NPHP3: variants seen among roughly 807,000 people sequenced by gnomAD.
The protein encoded by NPHP3 is nephrocystin-3.
NPHP3 carries 123 observed loss-of-function variants against 171.9 expected under a neutral mutation model. The ratio of observed to expected loss-of-function variants is 0.72; its 90% CI spans 0.62 to 0.83. NPHP3 has a LOEUF of 0.83. Ranked by LOEUF, NPHP3 falls within the 40% of genes least tolerant of loss-of-function variation. NPHP3 has a pLI of 0.00. For synonymous variants in NPHP3, 558 were observed against 579.2 expected (o/e 0.96, Z 0.52); for missense variants, 1,506 against 1,591.9 (o/e 0.95, Z 0.92).
At position 132,696,791 on chromosome 3, in the gene NPHP3, C is replaced by T. The variant is rs1391907287; in HGVS notation, c.2111G>A (p.Cys704Tyr). The T allele has an allele frequency of 1.2e-6, 2 of 1,614,040 alleles. No homozygotes were observed. The highest frequency in any genetic ancestry group is 1.7e-6 in the Non-Finnish European group (2 of 1,179,978). The change falls in exon 15 of 27, where the codon TGT becomes TAT. Residue 704 changes from cysteine to tyrosine, a missense_variant. By Grantham distance (194) the Cys-to-Tyr change is radical. This residue lies in a region of NPHP3 where 930 missense variants were observed against 924.9 expected (regional missense o/e 1.01). Coordinates refer to ENST00000337331, the MANE Select transcript of NPHP3 (RefSeq NM_153240.5). ...KEQEKKLERH[C>Y]RSATTCNALY... ...GGCATTGCAGGTTGTAGCAGAACGA[C>T]AGTGTCGTTCTAGCTTCTTCTCCTG...
At chr3:132,683,855 A>G (rs1939092770) in intron 24 of NPHP3, among the ~76,000 whole-genome samples, 1 of 152,204 alleles carries the variant, frequency 6.6e-6, no homozygotes, top group Admixed American at 6.5e-5. Context: ...TTTCTTGCCA[A>G]ATCCCTTCCA....
At chr3:132,691,086 T>C (rs1939287211) in intron 18 of NPHP3, 106 bp downstream of exon 18, 4 of 870,918 alleles carry the variant, frequency 4.6e-6, no homozygotes, top group South Asian at 1.3e-5. Flanking sequence ...TTTTTTGTAA[T>C]AATTAAGTTT....
chr3:132,709,163 T>C (rs566758934), intron 6 of NPHP3, among the ~76,000 whole-genome samples: 1 of 152,000 alleles, frequency 6.6e-6, no homozygotes, highest in Non-Finnish European at 1.5e-5. Flanking sequence ...AAAACAACTT[T>C]GTTATAGGGA....
chr3:132,702,598 A>T (rs763335970), intron 9 of NPHP3, among the ~76,000 whole-genome samples: 8 of 152,364 alleles, frequency 5.3e-5, no homozygotes, highest in South Asian at 2.1e-4. Context: ...TGAGGAATTT[A>T]AAAAAGTGTA....
intron 6 of NPHP3, among the ~76,000 whole-genome samples, chr3:132,711,567 T>TG (rs1939909549): frequency 1.3e-5 from 2 of 152,074 alleles, no homozygotes; most frequent in African/African-American, 4.8e-5. Context: ...GTAAGGTTTT[T>TG]GTTTGTTTGT....
intron 6 of NPHP3, among the ~76,000 whole-genome samples, chr3:132,708,915 C>T (rs1356103731): frequency 6.6e-6 from 1 of 152,186 alleles, no homozygotes; most frequent in African/African-American, 2.4e-5. Context: ...ATTATGTCAG[C>T]ACCCTTCTTG....
intron 12 of NPHP3, 28 bp downstream of exon 12, chr3:132,699,890 T>C (rs1939560559): frequency 2.5e-6 from 4 of 1,611,512 alleles, no homozygotes; most frequent in East Asian, 2.2e-5. Context: ...TCTGAGCATA[T>C]CAATAGGTAA....
chr3:132,698,895 A>G (rs1426805653), intron 13 of NPHP3, among the ~76,000 whole-genome samples: 3 of 151,506 alleles, frequency 2.0e-5, no homozygotes, highest in African/African-American at 7.3e-5. Flanking sequence ...CCTCCCCCCA[A>G]ATCCCTTTTT....
At position 132,715,156 on chromosome 3, in the gene NPHP3, A is replaced by G; in HGVS notation, c.886T>C (p.Trp296Arg). ...AGGTAACATCTGACAGTGTTACTCCACAGAGAATGTGAAAACAGAGGAGTA... is the reference window on the plus strand; with the variant it reads ...AGGTAACATCTGACAGTGTTACTCCGCAGAGAATGTGAAAACAGAGGAGTA... ...QVTPLFSHSL[W>R]SNTVRCYLIY... The change falls in exon 5 of 27, where the codon TGG (tryptophan) becomes CGG (arginine). Residue 296 changes from tryptophan to arginine, a missense_variant. Transcript: ENST00000337331. 6.2e-7 allele frequency: 1 copy of G among 1,610,084 alleles called. No homozygotes were observed. The highest frequency in any genetic ancestry group is 8.5e-7 in the Non-Finnish European group (1 of 1,176,410).
chr3:132,700,797 T>C (rs1488092280), intron 10 of NPHP3, among the ~76,000 whole-genome samples: 1 of 152,156 alleles, frequency 6.6e-6, no homozygotes, highest in Non-Finnish European at 1.5e-5. Flanking sequence ...TTTCCAAACA[T>C]AACTTTAAAT....
intron 7 of NPHP3, among the ~76,000 whole-genome samples, 155 bp downstream of exon 7, chr3:132,707,946 G>A (rs1939797782): frequency 6.6e-6 from 1 of 152,038 alleles, no homozygotes; most frequent in South Asian, 2.1e-4. Context: ...CAATCAATGA[G>A]GCCCCCTCTC....
chr3:132,719,214 GA>G (rs1940137627), intron 2 of NPHP3, 70 bp from the exon 3 acceptor site: 2 of 1,207,308 alleles, frequency 1.7e-6, no homozygotes, highest in East Asian at 2.4e-5. Context: ...AACTTTAAGG[GA>G]AAAATATTTC....
chr3:132,699,551 T>C, intron 12 of NPHP3, 101 bp from the exon 13 acceptor site: 1 of 832,636 alleles, frequency 1.2e-6, no homozygotes, highest in Non-Finnish European at 1.9e-6. Flanking sequence ...TAAGTTTATC[T>C]TATTAAGGAT....
intron 1 of NPHP3, among the ~76,000 whole-genome samples, chr3:132,720,248 C>T (rs1462325651): frequency 1.3e-5 from 2 of 152,186 alleles, no homozygotes; most frequent in Non-Finnish European, 2.9e-5. Flanking sequence ...CTTCACAGTG[C>T]CTGGTACACT....
At chr3:132,699,600 A>AT (rs1258447856) in intron 12 of NPHP3, 150 bp from the exon 13 acceptor site, 22 of 696,614 alleles carry the variant, frequency 3.2e-5, no homozygotes, top group Non-Finnish European at 4.7e-5. Flanking sequence ...TAGAATTTTA[A>AT]AAGAACAAGT....
At chr3:132,719,478 C>T (rs1175309676) in intron 2 of NPHP3, among the ~76,000 whole-genome samples, 4 of 151,920 alleles carry the variant, frequency 2.6e-5, no homozygotes, top group South Asian at 2.1e-4. Flanking sequence ...TCCTTTTTTT[C>T]GAAATTACTA....
intron 1 of NPHP3, 92 bp downstream of exon 1, chr3:132,721,871 G>A: frequency 6.7e-7 from 1 of 1,483,444 alleles, no homozygotes; most frequent in Non-Finnish European, 9.2e-7. Flanking sequence ...GGCAGTTTCC[G>A]CCGAACTTTC....
intron 16 of NPHP3, chr3:132,693,958 T>C (rs1162503121): frequency 6.6e-6 from 1 of 152,062 alleles, no homozygotes; most frequent in Non-Finnish European, 1.5e-5. Context: ...TACAATGTTA[T>C]TTTAATTACA....
chr3:132,692,873 C>G, intron 16 of NPHP3, 55 bp from the exon 17 acceptor site: 1 of 1,448,406 alleles, frequency 6.9e-7, no homozygotes, highest in South Asian at 1.2e-5. Flanking sequence ...AAGTAACTAA[C>G]GGCCATTAAA....
Sources: allele counts gnomAD v4.1 joint callset (sites outside exome capture counted in the v4.1 genomes callset), GRCh38; gene constraint gnomAD v4.1.1; regional missense constraint gnomAD v4.1.1; transcripts MANE v1.5; gene names NCBI Gene and HGNC (gene_info 2026-07-23, HGNC 2026-07-21).